The following CFTR variants were observed in gnomAD, a reference collection of about 807,000 sequenced individuals.
CFTR encodes the protein CF transmembrane conductance regulator, also known as cystic fibrosis transmembrane conductance regulator.
In CFTR, 181 loss-of-function variants were observed where a neutral mutation model predicts 171.6. That is an observed-to-expected ratio of 1.05 (90% CI 0.93 to 1.19). The LOEUF (loss-of-function observed/expected upper bound fraction) is 1.19, where lower values mean the gene tolerates loss of function less well. CFTR is among the 50% of genes most tolerant of loss of function. The probability of loss-of-function intolerance (pLI) is 0.00; values close to 1 mark genes in which losing one functional copy is unlikely to be tolerated. For missense variants in CFTR, 1,968 were observed against 1,734.7 expected (o/e 1.13, Z -2.39); for synonymous variants, 583 against 608.0 (o/e 0.96, Z 0.60).
At chr7:117,623,954 G>A (rs1469735081) in intron 21 of CFTR, among the ~76,000 whole-genome samples, 1 of 151,970 alleles carries the variant, frequency 6.6e-6, no homozygotes, top group African/African-American at 2.4e-5. Context: ...TCCTTTGAAG[G>A]CCCTATACTT....
In CFTR at chr7:117,490,171, C is replaced by A. The variant is rs184256167; in HGVS notation, c.53+10024C>A. Among the ~76,000 whole-genome samples the A allele has an allele frequency of 3.2e-4, 48 of 152,084 alleles. No homozygotes were observed. The East Asian group carries it at 7.3e-3, about 23-fold the overall frequency. On this transcript the variant is annotated intron_variant, in intron 1 of 26. Transcript: ENST00000003084. ...TGTGATCTTAGGCAATTTACTTAATCTCTCTGAACCTCAGCTACTCTCGTC... is the reference window on the plus strand; with the variant it reads ...TGTGATCTTAGGCAATTTACTTAATATCTCTGAACCTCAGCTACTCTCGTC...
At chr7:117,588,459 G>T (rs1791978939) in intron 12 of CFTR, among the ~76,000 whole-genome samples, 1 of 152,054 alleles carries the variant, frequency 6.6e-6, no homozygotes, top group Admixed American at 6.6e-5. Flanking sequence ...GTAACTTTCA[G>T]TTTAAACAAT....
chr7:117,579,426 CTTAG>C (rs1476404353), intron 11 of CFTR, among the ~76,000 whole-genome samples: 2 of 151,594 alleles, frequency 1.3e-5, no homozygotes, highest in African/African-American at 4.8e-5. Flanking sequence ...GACAAATTGC[CTTAG>C]TTAGAATCCT....
intron 14 of CFTR, among the ~76,000 whole-genome samples, chr7:117,593,435 C>T (rs1170216572): frequency 6.6e-6 from 1 of 152,088 alleles, no homozygotes; most frequent in Non-Finnish European, 1.5e-5. Context: ...AATAATATGA[C>T]CTTTGACAAG....
chr7:117,543,693 G>C (rs1584790983), intron 9 of CFTR, among the ~76,000 whole-genome samples: 1 of 152,186 alleles, frequency 6.6e-6, no homozygotes, highest in Admixed American at 6.5e-5. Context: ...TCATAGGCTA[G>C]AGCCCTTTCA....
chr7:117,539,949 C>T (rs1342753388), intron 7 of CFTR, 151 bp from the exon 8 acceptor site: 2 of 649,328 alleles, frequency 3.1e-6, no homozygotes, highest in African/African-American at 1.8e-5. Flanking sequence ...AAATAACATG[C>T]CCAAGGTCAC....
At chr7:117,513,407 T>A (rs1798551187) in intron 3 of CFTR, among the ~76,000 whole-genome samples, 1 of 146,508 alleles carries the variant, frequency 6.8e-6, no homozygotes, top group Admixed American at 6.8e-5. Flanking sequence ...TTGGCAGGTG[T>A]CAGATTCTCA....
intron 14 of CFTR, among the ~76,000 whole-genome samples, chr7:117,592,902 A>T (rs1396624446): frequency 6.6e-6 from 1 of 152,210 alleles, no homozygotes; most frequent in Non-Finnish European, 1.5e-5. Flanking sequence ...TTGGTCCTCT[A>T]CTAAGCCAGT....
chr7:117,594,902 T>C lies in CFTR; in HGVS notation c.2491-28T>C, dbSNP rs1369348651. 1.6e-5 allele frequency: 25 copies of C among 1,609,326 alleles called. No homozygotes were observed. The East Asian group carries it at 2.5e-4, about 16-fold the overall frequency. ...GGTGGCATGAAACTGTACTGTCTTA[T>C]TGTAATAGCCATAATTCTTTTATTC... On this transcript the variant is annotated intron_variant, in intron 14 of 26. Transcript: ENST00000003084.
At chr7:117,516,951 C>A (rs910790633) in intron 3 of CFTR, among the ~76,000 whole-genome samples, 4 of 151,832 alleles carry the variant, frequency 2.6e-5, no homozygotes, top group Non-Finnish European at 4.4e-5. Flanking sequence ...TTTTCTTTTT[C>A]TTTTTTCTTT....
At chr7:117,638,252 T>G (rs1792857273) in intron 22 of CFTR, among the ~76,000 whole-genome samples, 1 of 152,228 alleles carries the variant, frequency 6.6e-6, no homozygotes, top group South Asian at 2.1e-4. Flanking sequence ...TTTTTCAGTG[T>G]GCTCTGCTTT....
rs551813700 is a variant in CFTR, at chr7:117,607,378, T to C, written c.2988+625T>C. The stretch of plus-strand genomic sequence containing the variant: ...GACTCTTTGGGTTGGGGTGACTGAT[T>C]GGTGGTGAGGATGGAGAAGAAAAGG... On this transcript the variant is annotated intron_variant, in intron 18 of 26. Transcript: ENST00000003084. Among the ~76,000 whole-genome samples, 63 of 152,144 alleles carry C rather than the reference T, an allele frequency of 4.1e-4. No individual in the cohort carries two copies. In the Middle Eastern group the frequency reaches 0.024, roughly 57 times the overall value.
At chr7:117,519,833 T>C (rs1384291803) in intron 3 of CFTR, among the ~76,000 whole-genome samples, 1 of 151,918 alleles carries the variant, frequency 6.6e-6, no homozygotes, top group Non-Finnish European at 1.5e-5. Context: ...GTAAATTGCC[T>C]CCATTTTTTT....
At chr7:117,644,656 G>A (rs1439643810) in intron 23 of CFTR, among the ~76,000 whole-genome samples, 1 of 152,166 alleles carries the variant, frequency 6.6e-6, no homozygotes, top group African/African-American at 2.4e-5. Context: ...GACATCAGCT[G>A]TGGAATCACA....
intron 24 of CFTR, among the ~76,000 whole-genome samples, chr7:117,660,688 G>GTGTGTGTA (rs959477527): frequency 6.7e-6 from 1 of 150,272 alleles, no homozygotes; most frequent in Non-Finnish European, 1.5e-5. Context: ...GTGTGTGTGT[G>GTGTGTGTA]TATATACACA....
intron 21 of CFTR, among the ~76,000 whole-genome samples, chr7:117,616,620 G>A (rs1018027399): frequency 1.3e-5 from 2 of 152,010 alleles, no homozygotes; most frequent in Non-Finnish European, 2.9e-5. Context: ...GTTTCTGTAA[G>A]GTATTTTCAT....
intron 3 of CFTR, among the ~76,000 whole-genome samples, chr7:117,518,300 C>T (rs1208196890): frequency 6.9e-6 from 1 of 145,376 alleles, no homozygotes; most frequent in South Asian, 2.1e-4. Context: ...ATATATAATA[C>T]AATATATATT....
chr7:117,632,741 G>A (rs905200091), intron 22 of CFTR, among the ~76,000 whole-genome samples: 5 of 152,128 alleles, frequency 3.3e-5, no homozygotes, highest in Admixed American at 3.3e-4. Context: ...GCACTGCTCT[G>A]TGGGGGATGG....
At chr7:117,641,514 C>T (rs1313730156) in intron 22 of CFTR, among the ~76,000 whole-genome samples, 3 of 152,114 alleles carry the variant, frequency 2.0e-5, no homozygotes, top group Non-Finnish European at 1.5e-5. Flanking sequence ...GACTTAAAAA[C>T]AAATTATGTA....
Sources: allele counts gnomAD v4.1 joint callset (sites outside exome capture counted in the v4.1 genomes callset), GRCh38; gene constraint gnomAD v4.1.1; transcripts MANE v1.5; gene names NCBI Gene and HGNC (gene_info 2026-07-23, HGNC 2026-07-21).